Variants in LCT observed in about 807,000 individuals in gnomAD.
LCT encodes lactase/phlorizin hydrolase.
Under a neutral mutation model 173.0 loss-of-function variants are expected in LCT, and 90 were observed. The observed-to-expected ratio is 0.52, with a 90% CI of 0.44 to 0.62. The LOEUF (loss-of-function observed/expected upper bound fraction) is 0.62. LCT is among the 20% of genes least tolerant of loss of function. LCT has a pLI of 0.00. For synonymous variants in LCT, 853 were observed against 957.6 expected, an observed-to-expected ratio of 0.89 and a Z score of 2.02; for missense variants, 1,864 against 2,431.4, an observed-to-expected ratio of 0.77 and a Z score of 4.91.
rs868397798 is a variant in LCT, at chr2:135,834,901, T to C, written c.640+1629A>G. 6.6e-5 allele frequency among the ~76,000 whole-genome samples: 10 copies of C among 151,604 alleles called. No individual in the cohort carries two copies. In the South Asian group the frequency reaches 1.9e-3, roughly 29 times the overall value. On this transcript the variant is annotated intron_variant, in intron 1 of 16. Coordinates refer to ENST00000264162, the MANE Select transcript of LCT (RefSeq NM_002299.4). The stretch of plus-strand genomic sequence containing the variant: ...AAGCTGTTTTCAGCTGTCAAATTAG[T>C]AATAAAATATAGCATTTGAAACTGA...
chr2:135,808,705 C>T lies in LCT; in HGVS notation c.3642G>A (p.Val1214=). The T allele has an allele frequency of 6.2e-7, 1 of 1,614,194 alleles. No homozygotes were observed. Among genetic ancestry groups the T allele is most frequent in the Middle Eastern group, 1.6e-4 (1 of 6,062 alleles). ...GGTTTAGCCTGGGTGTTTTGTGCTG[C>T]ACGATTCTGGAGTAGTACGTGTTGA... is the stretch of plus-strand genomic sequence containing the variant. ...FCLNTYYSRI[V]QHKTPRLNPP... is the part of the protein sequence containing the mutation. Residue 1214 remains valine (V), a synonymous_variant, in exon 8 of 17, where the codon GTG becomes GTA. Coordinates refer to ENST00000264162, the MANE Select transcript of LCT (RefSeq NM_002299.4).
Position 135,808,777 on chromosome 2 carries a change from A to C in LCT, c.3570T>G (p.Thr1190=). The change falls in exon 8 of 17, where the codon ACT becomes ACG. Residue 1190 remains threonine (T), a synonymous_variant. Transcript: ENST00000264162. The part of the protein sequence containing the change: ...HLATSRLPSF[T]EEEKRFIRAT... The stretch of plus-strand genomic sequence containing the variant: ...CCCTGATGAACCTCTTCTCTTCCTC[A>C]GTGAAGCTTGGCAGGCGGGAGGTGG... 1 of 1,613,748 alleles carries C rather than the reference A, an allele frequency of 6.2e-7. No homozygotes were observed. Among genetic ancestry groups the C allele is most frequent in the Non-Finnish European group, 8.5e-7 (1 of 1,179,666 alleles).
Position 135,809,322 on chromosome 2 carries a change from C to T in LCT, c.3025G>A (p.Ala1009Thr). ...YYNRLINGLV[A>T]SNIFPMVTLF... is the part of the protein sequence containing the mutation. ...GTCACCATGGGAAAGATGTTGCTTGCCACCAAGCCATTGATCAGCCTGTTG... is the reference window on the plus strand; with the variant it reads ...GTCACCATGGGAAAGATGTTGCTTGTCACCAAGCCATTGATCAGCCTGTTG... Residue 1009 changes from alanine (A) to threonine (T), a missense_variant, in exon 8 of 17, where the codon GCA becomes ACA. Ala to Thr is a moderately conservative substitution (Grantham distance 58, BLOSUM62 0). Around this residue, in one of 4 missense-constraint regions of LCT, gnomAD observed 755 missense variants for 926.3 expected, o/e 0.82. Transcript: ENST00000264162. The surrounding 1 kb of genome is among the most constrained non-coding windows in gnomAD (Gnocchi z 5.5). 6.2e-7 allele frequency: 1 copy of T among 1,614,208 alleles called. No homozygotes were observed. Among genetic ancestry groups the T allele is most frequent in the South Asian group, 1.1e-5 (1 of 91,088 alleles).
In LCT at chr2:135,789,685, C is replaced by G; in HGVS notation, c.5449G>C (p.Asp1817His). Residue 1817 changes from aspartate (D) to histidine (H), a missense_variant, in exon 16 of 17, where the codon GAC becomes CAC. Asp to His is a moderately conservative substitution (Grantham distance 81). Transcript: ENST00000264162. Reference sequence around the variant, plus strand: ...TTGGGGATCCTTGGCAGAGAAGGGTCACTGTAGTTCACAAAATGCAGACCA... The same window carrying G: ...TTGGGGATCCTTGGCAGAGAAGGGTGACTGTAGTTCACAAAATGCAGACCA... ...RFGLHFVNYSDPSLPRIPKAS... is the reference protein window; with the variant it reads ...RFGLHFVNYSHPSLPRIPKAS... The G allele has an allele frequency of 6.2e-7, 1 of 1,614,142 alleles. No homozygotes were observed.
At chr2:135,833,682 A>G (rs111859603) in intron 1 of LCT, among the ~76,000 whole-genome samples, 63 of 151,402 alleles carry the variant, frequency 4.2e-4, no homozygotes, top group African/African-American at 1.2e-3. Context: ...TCCTGACCTC[A>G]TGATCTGCCC....
At position 135,823,502 on chromosome 2, in the gene LCT, A is replaced by T. The variant is rs145296678; in HGVS notation, c.907+399T>A. On this transcript the variant is annotated intron_variant, in intron 4 of 16. Transcript: ENST00000264162. ...ATGTGCAAACTGAGATAATGGGGAC[A>T]TGGAACAAGGGTAAGTGGAGAGGGC... Among the ~76,000 whole-genome samples the T allele has an allele frequency of 7.9e-5, 12 of 152,338 alleles. 1 individual carries two copies. In the East Asian group the frequency reaches 2.1e-3, roughly 27 times the overall value.
At chr2:135,823,371 T>C (rs578128092) in intron 4 of LCT, among the ~76,000 whole-genome samples, 1 of 152,344 alleles carries the variant, frequency 6.6e-6, no homozygotes, top group South Asian at 2.1e-4. Flanking sequence ...AACAATCAGA[T>C]TCACTTTCAA....
chr2:135,812,424 T>C lies in LCT; in HGVS notation c.2240A>G (p.Lys747Arg). Residue 747 changes from lysine (K) to arginine (R), a missense_variant, in exon 7 of 17, where the codon AAA becomes AGA. Transcript: ENST00000264162. Reference protein sequence around the residue: ...QFVSLEYTRGKVPIYLAGNGM... With the variant: ...QFVSLEYTRGRVPIYLAGNGM... Reference sequence around the variant, plus strand: ...ATTCCCGGCAAGGTATATTGGAACTTTTCCTCTTGTGTATTCCAGGGATAC... The same window carrying C: ...ATTCCCGGCAAGGTATATTGGAACTCTTCCTCTTGTGTATTCCAGGGATAC... 1 of 1,614,206 alleles carries C rather than the reference T, an allele frequency of 6.2e-7. No homozygotes were observed. Among genetic ancestry groups the C allele is most frequent in the Non-Finnish European group, 8.5e-7 (1 of 1,180,034 alleles).
rs1269974865 is a variant in LCT, at chr2:135,812,488, G to A, written c.2176C>T (p.Arg726Cys). The change falls in exon 7 of 17, where the codon CGT becomes TGT. Residue 726 changes from arginine (R) to cysteine (C), a missense_variant. Around this residue, in one of 4 missense-constraint regions of LCT, gnomAD observed 755 missense variants for 926.3 expected, o/e 0.82. Coordinates refer to ENST00000264162, the MANE Select transcript of LCT (RefSeq NM_002299.4). ...VWPQTSSSWI[R>C]VVPWGIRRLL... ...CTCCTTATCCCCCAGGGCACCACAC[G>A]AATCCAAGAGGATGAGGTCTGGGGC... 3.1e-6 allele frequency: 5 copies of A among 1,614,202 alleles called. No homozygotes were observed. The highest frequency in any genetic ancestry group is 2.2e-5 in the East Asian group (1 of 44,886).
rs1347044745 is a variant in LCT, at chr2:135,836,542, A to G, written c.628T>C (p.Tyr210His). The G allele has an allele frequency of 1.2e-6, 2 of 1,614,024 alleles. No homozygotes were observed. Among genetic ancestry groups the G allele is most frequent in the Non-Finnish European group, 8.5e-7 (1 of 1,180,016 alleles). The change falls in exon 1 of 17, where the codon TAT becomes CAT. Residue 210 changes from tyrosine (Y) to histidine (H), a missense_variant. By Grantham distance (83) the Tyr-to-His change is moderately conservative (BLOSUM62 2). This residue lies in a region of LCT where 412 missense variants were observed against 462.0 expected (regional missense o/e 0.89). Coordinates refer to ENST00000264162, the MANE Select transcript of LCT (RefSeq NM_002299.4). ...RKAYEIYHESYAFQGGKLSVV... is the reference protein window; with the variant it reads ...RKAYEIYHESHAFQGGKLSVV... The stretch of plus-strand genomic sequence containing the variant: ...AATGTGTACTCACCCTGAAAAGCAT[A>G]GCTTTCGTGGTAAATCTCATAGGCT...
intron 6 of LCT, among the ~76,000 whole-genome samples, chr2:135,814,146 T>C (rs923614942): frequency 6.6e-6 from 1 of 152,212 alleles, no homozygotes; most frequent in Non-Finnish European, 1.5e-5. Flanking sequence ...CTTTTTCCTT[T>C]TTATCATCTG....
chr2:135,815,020 C>T (rs1034905553), intron 6 of LCT, among the ~76,000 whole-genome samples: 1 of 152,010 alleles, frequency 6.6e-6, no homozygotes, highest in Non-Finnish European at 1.5e-5. Flanking sequence ...GAAAAGATAC[C>T]AGTGAGTTCT....
intron 6 of LCT, among the ~76,000 whole-genome samples, chr2:135,816,866 T>C (rs1350812990): frequency 8.2e-6 from 1 of 122,660 alleles, no homozygotes; most frequent in Admixed American, 7.8e-5. Context: ...ATAAGGTGAT[T>C]AACAATTTTT....
In LCT at chr2:135,833,189, G is replaced by C. The variant is rs561529247; in HGVS notation, c.642C>G (p.Gly214=). 1.9e-6 allele frequency: 3 copies of C among 1,613,224 alleles called. No individual in the cohort carries two copies. In the South Asian group the frequency reaches 3.3e-5, roughly 18 times the overall value. ...CTCGCAGGACAACAGAGAGTTTTCC[G>C]CCTGAAACCAACCAGAGACACGAAC... ...EIYHESYAFQ[G]GKLSVVLRAE... is the part of the protein sequence containing the mutation. Residue 214 remains glycine, a splice_region_variant and synonymous_variant, in exon 2 of 17, where the codon GGC becomes GGG. Coordinates refer to ENST00000264162, the MANE Select transcript of LCT (RefSeq NM_002299.4).
chr2:135,823,947 G>A lies in LCT; in HGVS notation c.861C>T (p.Pro287=), dbSNP rs759163398. ...FIFNLKLPDC[P]STMKNPASLL... ...GACTGGCTGGGTTCTTCATGGTGGAGGGGCAGTCTGGGAGTTTTAGGTTGA... is the reference window on the plus strand; with the variant it reads ...GACTGGCTGGGTTCTTCATGGTGGAAGGGCAGTCTGGGAGTTTTAGGTTGA... Residue 287 remains proline (P), a synonymous_variant, in exon 4 of 17, where the codon CCC becomes CCT. Transcript: ENST00000264162. The A allele has an allele frequency of 9.9e-6, 16 of 1,614,040 alleles. No homozygotes were observed. Among genetic ancestry groups the A allele is most frequent in the Non-Finnish European group, 1.4e-5 (16 of 1,179,892 alleles).
Position 135,812,584 on chromosome 2 carries a change from C to T in LCT, c.2080G>A (p.Ala694Thr), listed in dbSNP as rs754578995. 3.2e-5 allele frequency: 52 copies of T among 1,613,048 alleles called. No homozygotes were observed. The Admixed American group carries it at 4.0e-4, about 12-fold the overall frequency. The change falls in exon 7 of 17, where the codon GCC (alanine) becomes ACC (threonine). Residue 694 changes from alanine to threonine, a missense_variant. Physicochemically the swap from Ala to Thr is moderately conservative, Grantham distance 58 (BLOSUM62 0). This residue lies in a region of LCT where 755 missense variants were observed against 926.3 expected (regional missense o/e 0.82). Coordinates refer to ENST00000264162, the MANE Select transcript of LCT (RefSeq NM_002299.4). Reference sequence around the variant, plus strand: ...CTAGGGATGCAGGTGTTTTGTGGGGCGTTGCTGATGAGGCGGGAGGTGTAA... The same window carrying T: ...CTAGGGATGCAGGTGTTTTGTGGGGTGTTGCTGATGAGGCGGGAGGTGTAA... The part of the protein sequence containing the change: ...SHYTSRLISN[A>T]PQNTCIPSYD...
Position 135,817,440 on chromosome 2 carries a change from C to T in LCT, c.1608G>A (p.Leu536=). 1 of 1,614,182 alleles carries T rather than the reference C, an allele frequency of 6.2e-7. No homozygotes were observed. The highest frequency in any genetic ancestry group is 1.1e-5 in the South Asian group (1 of 91,086). Residue 536 remains leucine, a synonymous_variant, in exon 6 of 17, where the codon CTG becomes CTA. Transcript: ENST00000264162. ...CFSTFGDRVK[L]WVTFHEPWVM... is the part of the protein sequence containing the mutation. Reference sequence around the variant, plus strand: ...CCCACGGCTCATGGAAGGTCACCCACAGCTTCACACGGTCCCCAAATGTGG... The same window carrying T: ...CCCACGGCTCATGGAAGGTCACCCATAGCTTCACACGGTCCCCAAATGTGG...
At chr2:135,833,262 G>A in intron 1 of LCT, 72 bp from the exon 2 acceptor site, 2 of 1,039,002 alleles carry the variant, frequency 1.9e-6, no homozygotes, top group Non-Finnish European at 1.5e-6. Flanking sequence ...ACCACTGGGG[G>A]ATTCATTTCC....
At chr2:135,836,126 C>A (rs1415270997) in intron 1 of LCT, among the ~76,000 whole-genome samples, 1 of 151,122 alleles carries the variant, frequency 6.6e-6, no homozygotes, top group African/African-American at 2.4e-5. Context: ...TCAAGCAATT[C>A]TCCTGCCTAA....
Sources: allele counts gnomAD v4.1 joint callset (sites outside exome capture counted in the v4.1 genomes callset), GRCh38; gene constraint gnomAD v4.1.1; regional missense constraint gnomAD v4.1.1; non-coding constraint Gnocchi (gnomAD v3.1); transcripts MANE v1.5; gene names NCBI Gene and HGNC (gene_info 2026-07-23, HGNC 2026-07-21).